Variants in SORCS1 observed in about 807,000 individuals in gnomAD.
SORCS1 encodes sortilin related VPS10 domain containing receptor 1.
A neutral mutation model predicts 146.1 loss-of-function variants in SORCS1; 60 were observed. That is an observed-to-expected ratio of 0.41 (90% CI 0.33 to 0.51). The LOEUF is 0.51. Among genes scored for constraint, SORCS1 ranks in the 20% least tolerant of loss-of-function variants. The probability of loss-of-function intolerance (pLI) is 0.21; values close to 1 mark genes in which losing one functional copy is unlikely to be tolerated. For missense variants in SORCS1, 1,352 were observed against 1,487.6 expected (o/e 0.91, Z 1.50); for synonymous variants, 637 against 584.0 (o/e 1.09, Z -1.31).
intron 22 of SORCS1, among the ~76,000 whole-genome samples, chr10:106,610,424 G>A (rs1477228549): frequency 2.0e-5 from 3 of 151,978 alleles, no homozygotes; most frequent in Non-Finnish European, 4.4e-5. Context: ...AGCTTATTTG[G>A]GGGATTAAAT....
At chr10:106,710,456 C>T (rs1157492064) in intron 6 of SORCS1, among the ~76,000 whole-genome samples, 1 of 132,832 alleles carries the variant, frequency 7.5e-6, no homozygotes, top group Non-Finnish European at 1.6e-5. Context: ...AAAAGCAAAA[C>T]CGAATTGGGA....
Position 106,822,802 on chromosome 10 carries a change from T to TTTTTTTTTTTTTTTTTG in SORCS1, c.726+6771_726+6772insCAAAAAAAAAAAAAAAA, listed in dbSNP as rs994708912. On this transcript the variant is annotated intron_variant, in intron 3 of 25. Coordinates refer to ENST00000263054, the MANE Select transcript of SORCS1 (RefSeq NM_052918.5). ...GTGTGGTTTTTTTTTTTTTTTTTTTTGAATATTGCTCTGTTGTGCCCAGGC... is the reference window on the plus strand; with the variant it reads ...GTGTGGTTTTTTTTTTTTTTTTTTTTTTTTTTTTTTTTTTTTGGAATATTGCTCTGTTGTGCCCAGGC... 2.4e-3 allele frequency among the ~76,000 whole-genome samples: 338 copies of TTTTTTTTTTTTTTTTTG among 140,110 alleles called. 9 individuals carry two copies. The highest frequency in any genetic ancestry group is 8.8e-3 in the East Asian group (38 of 4,322). The allele number at this position is 140,110 out of a possible 152,430, so 91.9% of individuals were successfully genotyped here.
At chr10:106,886,747 C>T (rs7088265) in intron 2 of SORCS1, among the ~76,000 whole-genome samples, 8,072 of 152,166 alleles carry the variant, frequency 0.053, 326 homozygotes, top group East Asian at 0.13. Flanking sequence ...GAATCCAGAC[C>T]CTATAATGCC....
chr10:107,003,195 C>A (rs911651334), intron 1 of SORCS1, among the ~76,000 whole-genome samples: 3 of 151,804 alleles, frequency 2.0e-5, no homozygotes, highest in African/African-American at 7.3e-5. Flanking sequence ...GTAGAGGTTA[C>A]AGTGAGCTGA....
intron 2 of SORCS1, among the ~76,000 whole-genome samples, chr10:106,876,150 G>C (rs1950580565): frequency 6.6e-6 from 1 of 151,954 alleles, no homozygotes; most frequent in Admixed American, 6.6e-5. Flanking sequence ...TTAGAACCAG[G>C]CAATTGCTGA....
intron 1 of SORCS1, among the ~76,000 whole-genome samples, chr10:107,051,419 T>C (rs958739699): frequency 1.3e-5 from 2 of 152,196 alleles, no homozygotes; most frequent in African/African-American, 4.8e-5. Context: ...AATATTGAAT[T>C]GGAACCTGAA....
At chr10:107,136,195 A>T (rs565769921) in intron 1 of SORCS1, among the ~76,000 whole-genome samples, 1 of 152,342 alleles carries the variant, frequency 6.6e-6, no homozygotes, top group Admixed American at 6.5e-5. Context: ...TGAGAAATCC[A>T]TTTACGCAAA....
At chr10:106,767,374 C>A (rs1199097003) in intron 4 of SORCS1, among the ~76,000 whole-genome samples, 1 of 152,016 alleles carries the variant, frequency 6.6e-6, no homozygotes, top group African/African-American at 2.4e-5. Context: ...GAAGGGAGGG[C>A]CAATATATGA....
chr10:107,080,789 G>A (rs924811065), intron 1 of SORCS1, among the ~76,000 whole-genome samples: 2 of 152,104 alleles, frequency 1.3e-5, no homozygotes, highest in African/African-American at 2.4e-5. Flanking sequence ...TCTCTTAAAT[G>A]AATTTTAACC....
At chr10:106,934,941 TA>T (rs1199470333) in intron 2 of SORCS1, among the ~76,000 whole-genome samples, 1 of 151,926 alleles carries the variant, frequency 6.6e-6, no homozygotes, top group Non-Finnish European at 1.5e-5. Context: ...AAGTGAGGAA[TA>T]AAAAATGACA....
At chr10:106,672,805 G>T in intron 15 of SORCS1, 63 bp downstream of exon 15, 1 of 1,399,948 alleles carries the variant, frequency 7.1e-7, no homozygotes, top group Non-Finnish European at 1.0e-6. Flanking sequence ...TTAGCAACTA[G>T]CTTTCCCCCA....
intron 2 of SORCS1, among the ~76,000 whole-genome samples, chr10:106,862,585 T>G (rs1372000211): frequency 1.3e-5 from 2 of 152,114 alleles, no homozygotes; most frequent in African/African-American, 4.8e-5. Context: ...ACACACAGTT[T>G]ACCTTCCTTA....
chr10:106,864,988 C>T (rs545303272), intron 2 of SORCS1, among the ~76,000 whole-genome samples: 28 of 152,158 alleles, frequency 1.8e-4, no homozygotes, highest in Non-Finnish European at 3.1e-4. Flanking sequence ...TTCAAACCTC[C>T]CTGAGACAGC....
intron 2 of SORCS1, among the ~76,000 whole-genome samples, chr10:106,913,036 G>A (rs956651464): frequency 1.2e-4 from 18 of 151,294 alleles, no homozygotes; most frequent in Non-Finnish European, 1.5e-4. Flanking sequence ...AAGCCAGATC[G>A]TGAGCCTGTG....
rs114662825 is a variant in SORCS1, at chr10:106,795,363, G to C, written c.727-18671C>G. Among the ~76,000 whole-genome samples, 1,095 of 152,246 alleles carry C rather than the reference G, an allele frequency of 7.2e-3. 11 individuals are homozygous for C. Among genetic ancestry groups the C allele is most frequent in the African/African-American group, 0.023 (954 of 41,520 alleles). On this transcript the variant is annotated intron_variant, in intron 3 of 25. Transcript: ENST00000263054. ...CTGAGAAACATACTTTGGGATACTAGTGATTGGTTAGTATCCCTTTTTGGT... is the reference window on the plus strand; with the variant it reads ...CTGAGAAACATACTTTGGGATACTACTGATTGGTTAGTATCCCTTTTTGGT...
At chr10:106,949,372 G>A (rs759459605) in intron 2 of SORCS1, among the ~76,000 whole-genome samples, 7 of 152,138 alleles carry the variant, frequency 4.6e-5, no homozygotes, top group South Asian at 2.1e-4. Flanking sequence ...TCCCCTGGAC[G>A]TGGCGTGGAG....
At chr10:106,981,451 C>T (rs745476519) in intron 1 of SORCS1, among the ~76,000 whole-genome samples, 4 of 152,168 alleles carry the variant, frequency 2.6e-5, no homozygotes, top group Admixed American at 6.5e-5. Context: ...TTCTAATAAA[C>T]ACCAACTACA....
At chr10:106,987,443 C>T (rs371127110) in intron 1 of SORCS1, among the ~76,000 whole-genome samples, 38 of 152,220 alleles carry the variant, frequency 2.5e-4, no homozygotes, top group African/African-American at 8.7e-4. Context: ...GAGGCTCTAA[C>T]TTCCATGGCT....
chr10:106,906,540 C>G (rs1022250472), intron 2 of SORCS1, among the ~76,000 whole-genome samples: 2 of 152,264 alleles, frequency 1.3e-5, no homozygotes, highest in Non-Finnish European at 2.9e-5. Context: ...GAAGCAAAAG[C>G]AGAAACACCT....
Sources: gnomAD v4.1 joint callset for allele counts (sites outside exome capture counted in the v4.1 genomes callset) on GRCh38, gnomAD v4.1.1 for gene constraint, MANE v1.5 for transcripts, NCBI Gene and HGNC (gene_info 2026-07-23, HGNC 2026-07-21) for gene names.